Variants in ORC5 observed in about 807,000 individuals in gnomAD.
ORC5 encodes the protein origin recognition complex subunit 5.
ORC5 carries 39 observed loss-of-function variants against 58.8 expected under a neutral mutation model. That is an observed-to-expected ratio of 0.66 (90% CI 0.51 to 0.87). ORC5 has a LOEUF of 0.87. Among genes scored for constraint, ORC5 ranks in the 40% least tolerant of loss-of-function variants. ORC5 has a pLI of 0.00. For missense variants in ORC5, 493 were observed against 506.3 expected, an observed-to-expected ratio of 0.97 and a Z score of 0.25; for synonymous variants, 218 against 177.6, an observed-to-expected ratio of 1.23 and a Z score of -1.81.
chr7:104,194,074 AACAGTGCTGAC>A (rs1471599389), intron 5 of ORC5, among the ~76,000 whole-genome samples: 2 of 150,232 alleles, frequency 1.3e-5, no homozygotes, highest in Non-Finnish European at 3.0e-5. Flanking sequence ...CTGAACTATG[AACAGTGCTGAC>A]ACAGGTACAG....
intron 1 of ORC5, among the ~76,000 whole-genome samples, chr7:104,205,734 C>T (rs1399048912): frequency 6.6e-6 from 1 of 152,208 alleles, no homozygotes; most frequent in Non-Finnish European, 1.5e-5. Flanking sequence ...AATTCTGTCT[C>T]AGCAGGATGC....
intron 5 of ORC5, among the ~76,000 whole-genome samples, chr7:104,190,031 T>C (rs528640842): frequency 1.3e-5 from 2 of 152,280 alleles, no homozygotes; most frequent in African/African-American, 4.8e-5. Context: ...ACCCATTTGA[T>C]ATCTAGAAAA....
At position 104,136,800 on chromosome 7, in the gene ORC5, A is replaced by T; in HGVS notation, c.1243T>A (p.Phe415Ile). ...PKYKCTVSLD[F>I]IRAIARTVNF... ...TTTTACCTTGCAATAGCTCTGATGA[A>T]GTCTAGAGACACTGTGCATTTGTAT... is the stretch of plus-strand genomic sequence containing the variant. The change falls in exon 13 of 14, where the codon TTC becomes ATC. Residue 415 changes from phenylalanine (F) to isoleucine (I), a missense_variant. Coordinates refer to ENST00000297431, the MANE Select transcript of ORC5 (RefSeq NM_002553.4). The surrounding 1 kb of genome is among the most constrained non-coding windows in gnomAD (Gnocchi z 4.2). The T allele has an allele frequency of 6.2e-7, 1 of 1,611,614 alleles. No individual in the cohort carries two copies. The highest frequency in any genetic ancestry group is 1.1e-5 in the South Asian group (1 of 91,032).
At chr7:104,200,084 C>T (rs945341307) in intron 3 of ORC5, among the ~76,000 whole-genome samples, 4 of 148,238 alleles carry the variant, frequency 2.7e-5, no homozygotes, top group Middle Eastern at 7.1e-3. Context: ...TCCCCAGCCA[C>T]GCTGAACTGT....
intron 12 of ORC5, among the ~76,000 whole-genome samples, chr7:104,143,252 C>T (rs1297319539): frequency 6.6e-6 from 1 of 151,976 alleles, no homozygotes; most frequent in Admixed American, 6.6e-5. Context: ...CCTGTTAATT[C>T]GAACACTCAC....
chr7:104,129,473 C>G lies in ORC5; in HGVS notation c.1263-2580G>C, dbSNP rs1468164047. Among the ~76,000 whole-genome samples the G allele has an allele frequency of 1.3e-5, 2 of 152,124 alleles. No individual in the cohort carries two copies. The highest frequency in any genetic ancestry group is 2.9e-5 in the Non-Finnish European group (2 of 68,016). On this transcript the variant is annotated intron_variant, in intron 13 of 13. Transcript: ENST00000297431. The surrounding 1 kb of genome is among the most constrained non-coding windows in gnomAD (Gnocchi z 4.9). ...TCCCAAGATGTATCACTATCTCTAC[C>G]ATTCCTCCACCCCCAATATAAATAG...
Position 104,158,931 on chromosome 7 carries a change from G to T in ORC5, c.1149+2141C>A, listed in dbSNP as rs117000724. Among the ~76,000 whole-genome samples the T allele has an allele frequency of 9.2e-3, 1,337 of 144,616 alleles. 9 individuals carry two copies. Among genetic ancestry groups the T allele is most frequent in the Non-Finnish European group, 0.013 (860 of 64,360 alleles). The allele number at this position is 144,616 out of a possible 152,430, so 94.9% of individuals were successfully genotyped here. The stretch of plus-strand genomic sequence containing the variant: ...GGAAGTCAGTGCGGCGATTCCTCAG[G>T]ATCTAGAACTAGAAATATCATTTGA... On this transcript the variant is annotated intron_variant, in intron 12 of 13. Coordinates refer to ENST00000297431, the MANE Select transcript of ORC5 (RefSeq NM_002553.4).
chr7:104,151,591 T>C (rs909232579), intron 12 of ORC5, among the ~76,000 whole-genome samples: 1 of 152,190 alleles, frequency 6.6e-6, no homozygotes, highest in Non-Finnish European at 1.5e-5. Context: ...TAATAAATGA[T>C]TAGTTTTGAA....
chr7:104,191,530 A>T (rs1799676349), intron 5 of ORC5, among the ~76,000 whole-genome samples: 1 of 151,928 alleles, frequency 6.6e-6, no homozygotes, highest in African/African-American at 2.4e-5. Context: ...CCCATAAGAC[A>T]GTTGATTAGA....
intron 11 of ORC5, among the ~76,000 whole-genome samples, chr7:104,161,676 G>C (rs986341778): frequency 2.6e-5 from 4 of 151,982 alleles, no homozygotes; most frequent in Non-Finnish European, 5.9e-5. Flanking sequence ...ACCCAGCCAT[G>C]AGCCACCATA....
At chr7:104,202,195 C>T (rs1177183735) in intron 2 of ORC5, among the ~76,000 whole-genome samples, 2 of 152,124 alleles carry the variant, frequency 1.3e-5, no homozygotes, top group Non-Finnish European at 2.9e-5. Context: ...GACTTGCTCA[C>T]CAATACAGTC....
intron 13 of ORC5, among the ~76,000 whole-genome samples, chr7:104,130,459 C>T (rs911089345): frequency 6.6e-6 from 1 of 152,152 alleles, no homozygotes; most frequent in African/African-American, 2.4e-5. Flanking sequence ...TACTGTACCC[C>T]CGGACAGTTC....
chr7:104,150,632 C>A (rs1417722093), intron 12 of ORC5, among the ~76,000 whole-genome samples: 1 of 151,866 alleles, frequency 6.6e-6, no homozygotes, highest in Non-Finnish European at 1.5e-5. Context: ...CACAGAGCAA[C>A]TGAAGATAAA....
At chr7:104,205,096 T>TTTTTTTC in intron 1 of ORC5, among the ~76,000 whole-genome samples, 1 of 139,156 alleles carries the variant, frequency 7.2e-6, no homozygotes, top group Non-Finnish European at 1.6e-5. Context: ...CTTTTTTTTT[T>TTTTTTTC]TTTTTTTTTT....
At chr7:104,160,535 A>G (rs1799004400) in intron 12 of ORC5, among the ~76,000 whole-genome samples, 1 of 152,134 alleles carries the variant, frequency 6.6e-6, no homozygotes, top group Non-Finnish European at 1.5e-5. Context: ...ATGTCAACTA[A>G]AAAACAAACC....
intron 8 of ORC5, among the ~76,000 whole-genome samples, chr7:104,169,228 A>C (rs924056714): frequency 3.9e-4 from 59 of 152,224 alleles, no homozygotes; most frequent in African/African-American, 1.4e-3. Flanking sequence ...TCACACCAGA[A>C]AACTGAGGCT....
chr7:104,144,737 A>G (rs757916428), intron 12 of ORC5, among the ~76,000 whole-genome samples: 36 of 152,232 alleles, frequency 2.4e-4, no homozygotes, highest in Middle Eastern at 6.3e-3. Context: ...ACCCTGGGCA[A>G]CAGAACGAGA....
At chr7:104,198,005 G>C (rs534769039) in intron 3 of ORC5, among the ~76,000 whole-genome samples, 94 of 152,206 alleles carry the variant, frequency 6.2e-4, no homozygotes, top group African/African-American at 2.2e-3. Flanking sequence ...CAAGGGAGTG[G>C]GTTATTGAGA....
Position 104,137,183 on chromosome 7 carries a change from G to A in ORC5, c.1150-290C>T, listed in dbSNP as rs199585271. 8.2e-5 allele frequency among the ~76,000 whole-genome samples: 12 copies of A among 146,928 alleles called. No individual in the cohort carries two copies. In the Admixed American group the frequency reaches 8.2e-4, roughly 10 times the overall value. On this transcript the variant is annotated intron_variant, in intron 12 of 13. Coordinates refer to ENST00000297431, the MANE Select transcript of ORC5 (RefSeq NM_002553.4). ...CATGGCTTGATCACAGTTCACTGGAGTTTCAAATTCTTGGGCTCAAGTGGT... is the reference window on the plus strand; with the variant it reads ...CATGGCTTGATCACAGTTCACTGGAATTTCAAATTCTTGGGCTCAAGTGGT...
Sources: gnomAD v4.1 joint callset for allele counts (sites outside exome capture counted in the v4.1 genomes callset) on GRCh38, gnomAD v4.1.1 for gene constraint, Gnocchi (gnomAD v3.1) non-coding constraint, MANE v1.5 for transcripts, NCBI Gene and HGNC (gene_info 2026-07-23, HGNC 2026-07-21) for gene names.